The following HS6ST3 variants were observed in gnomAD, a reference collection of about 807,000 sequenced individuals.
The protein encoded by HS6ST3 is heparan sulfate 6-O-sulfotransferase 3.
HS6ST3 carries 12 observed loss-of-function variants against 36.7 expected under a neutral mutation model. The observed-to-expected ratio is 0.33, with a 90% CI of 0.21 to 0.53. HS6ST3 has a LOEUF of 0.53. HS6ST3 is among the 20% of genes least tolerant of loss of function. The probability of loss-of-function intolerance (pLI) is 0.95; values close to 1 mark genes in which losing one functional copy is unlikely to be tolerated. For missense variants in HS6ST3, 584 were observed against 640.9 expected (o/e 0.91, Z 0.96); for synonymous variants, 240 against 257.5 (o/e 0.93, Z 0.65).
intron 1 of HS6ST3, among the ~76,000 whole-genome samples, chr13:96,648,308 G>T (rs1230501766): frequency 1.3e-5 from 2 of 151,900 alleles, no homozygotes; most frequent in Non-Finnish European, 2.9e-5. Flanking sequence ...ACCAAACTCA[G>T]ATTTTCTCTT....
chr13:96,694,929 G>A (rs915339064), intron 1 of HS6ST3, among the ~76,000 whole-genome samples: 17 of 151,930 alleles, frequency 1.1e-4, no homozygotes, highest in Non-Finnish European at 1.9e-4. Flanking sequence ...TTTTTACAGC[G>A]ACATAGACAA....
chr13:96,756,860 C>T lies in HS6ST3; in HGVS notation c.708-75630C>T, dbSNP rs528832945. Among the ~76,000 whole-genome samples the T allele has an allele frequency of 2.0e-5, 3 of 152,314 alleles. No individual in the cohort carries two copies. The South Asian group carries it at 6.2e-4, about 32-fold the overall frequency. ...ATCTACTGAGACATTGCTAAGTGTACATTGTATTCGTTTTCTATGCTGCAT... is the reference window on the plus strand; with the variant it reads ...ATCTACTGAGACATTGCTAAGTGTATATTGTATTCGTTTTCTATGCTGCAT... On this transcript the variant is annotated intron_variant, in intron 1 of 1. Transcript: ENST00000376705.
At chr13:96,115,317 A>G (rs1489134967) in intron 1 of HS6ST3, among the ~76,000 whole-genome samples, 3 of 152,196 alleles carry the variant, frequency 2.0e-5, no homozygotes, top group African/African-American at 7.2e-5. Context: ...CACGTACAGA[A>G]TGTACAGGTT....
chr13:96,762,685 C>T (rs201935092), intron 1 of HS6ST3, among the ~76,000 whole-genome samples: 19 of 152,204 alleles, frequency 1.2e-4, no homozygotes, highest in East Asian at 7.7e-4. Flanking sequence ...AATTAACAAA[C>T]GGTTGTTCAT....
chr13:96,387,218 A>G (rs2055372880), intron 1 of HS6ST3, among the ~76,000 whole-genome samples: 2 of 152,210 alleles, frequency 1.3e-5, no homozygotes, highest in South Asian at 2.1e-4. Context: ...TCATCCTTTT[A>G]TATCATCCTT....
intron 1 of HS6ST3, among the ~76,000 whole-genome samples, chr13:96,571,536 T>C (rs1451248003): frequency 6.6e-6 from 1 of 152,226 alleles, no homozygotes; most frequent in Non-Finnish European, 1.5e-5. Flanking sequence ...GCATAAAGAC[T>C]TTTCCTTATC....
chr13:96,206,307 CAG>C (rs1230234463), intron 1 of HS6ST3, among the ~76,000 whole-genome samples: 1 of 151,802 alleles, frequency 6.6e-6, no homozygotes, highest in Non-Finnish European at 1.5e-5. Context: ...TCAAAGAAAT[CAG>C]AGAGGGCACA....
intron 1 of HS6ST3, among the ~76,000 whole-genome samples, chr13:96,520,175 T>C (rs1367811846): frequency 6.6e-6 from 1 of 152,180 alleles, no homozygotes; most frequent in African/African-American, 2.4e-5. Flanking sequence ...AGACGTGTGA[T>C]GTTATTTCTG....
At chr13:96,394,871 A>G (rs901898801) in intron 1 of HS6ST3, among the ~76,000 whole-genome samples, 3 of 152,224 alleles carry the variant, frequency 2.0e-5, no homozygotes, top group African/African-American at 7.2e-5. Context: ...AGTAGCAAAT[A>G]CTTAGAATCA....
intron 1 of HS6ST3, among the ~76,000 whole-genome samples, chr13:96,409,539 C>T (rs554714599): frequency 3.9e-5 from 6 of 152,216 alleles, no homozygotes; most frequent in South Asian, 2.1e-4. Flanking sequence ...AGTTTTCCCA[C>T]GGCTGAGTGT....
intron 1 of HS6ST3, among the ~76,000 whole-genome samples, chr13:96,578,722 G>T (rs8001276): frequency 0.085 from 12,896 of 152,050 alleles, 1,001 homozygotes; most frequent in African/African-American, 0.21. Context: ...ACCATGCCTG[G>T]CTAATTTTTT....
intron 1 of HS6ST3, among the ~76,000 whole-genome samples, chr13:96,559,347 G>A (rs1194530048): frequency 1.3e-5 from 2 of 152,036 alleles, no homozygotes; most frequent in African/African-American, 4.8e-5. Flanking sequence ...TTGAACTCCT[G>A]GCCTCAAGTG....
At chr13:96,333,990 G>A (rs771279336) in intron 1 of HS6ST3, among the ~76,000 whole-genome samples, 1 of 152,124 alleles carries the variant, frequency 6.6e-6, no homozygotes, top group African/African-American at 2.4e-5. Flanking sequence ...GGGACATAGG[G>A]TACCTGTCTG....
intron 1 of HS6ST3, among the ~76,000 whole-genome samples, chr13:96,533,970 C>T (rs1157050760): frequency 6.6e-6 from 1 of 152,222 alleles, no homozygotes; most frequent in African/African-American, 2.4e-5. Flanking sequence ...CCTTTCTCAT[C>T]ATTCATTCCG....
chr13:96,645,731 T>C (rs1031061412), intron 1 of HS6ST3, among the ~76,000 whole-genome samples: 1 of 151,856 alleles, frequency 6.6e-6, no homozygotes, highest in African/African-American at 2.4e-5. Context: ...TGATGGCTCA[T>C]CTTAAATGGT....
chr13:96,129,591 A>T (rs1188841622), intron 1 of HS6ST3, among the ~76,000 whole-genome samples: 1 of 152,244 alleles, frequency 6.6e-6, no homozygotes, highest in Non-Finnish European at 1.5e-5. Flanking sequence ...CTTATCTTAA[A>T]AAATTAATCT....
At position 96,090,730 on chromosome 13, in the gene HS6ST3, C is replaced by T; in HGVS notation, c.-133C>T. The T allele has an allele frequency of 1.8e-6, 1 of 550,464 alleles. No individual in the cohort carries two copies. The highest frequency in any genetic ancestry group is 2.6e-6 in the Non-Finnish European group (1 of 388,532). 34.1% of individuals were successfully genotyped at this position (550,464 alleles called of 1,614,324 possible). A position where few individuals can be genotyped will look rare whatever the true frequency, so the allele number is the denominator to read the frequency against. On this transcript the variant is annotated 5_prime_UTR_variant, in exon 1 of 2. Coordinates refer to ENST00000376705, the MANE Select transcript of HS6ST3 (RefSeq NM_153456.4). ...GCGGGGCCGCCAGCCAGCCACACGCCTCGGCGTCAGGGGCATGGAGGAACG... is the reference window on the plus strand; with the variant it reads ...GCGGGGCCGCCAGCCAGCCACACGCTTCGGCGTCAGGGGCATGGAGGAACG...
intron 1 of HS6ST3, among the ~76,000 whole-genome samples, chr13:96,276,682 TCTCTC>T (rs2054750089): frequency 6.6e-6 from 1 of 152,216 alleles, no homozygotes; most frequent in African/African-American, 2.4e-5. Context: ...TATTAGCTAA[TCTCTC>T]CTAGAGAATT....
At chr13:96,276,728 A>G (rs180903924) in intron 1 of HS6ST3, among the ~76,000 whole-genome samples, 160 of 152,270 alleles carry the variant, frequency 1.1e-3, no homozygotes, top group South Asian at 1.7e-3. Flanking sequence ...AATGTTTGGC[A>G]TAGGTTATGT....
Sources: allele counts gnomAD v4.1 joint callset (sites outside exome capture counted in the v4.1 genomes callset), GRCh38; gene constraint gnomAD v4.1.1; transcripts MANE v1.5; gene names NCBI Gene and HGNC (gene_info 2026-07-23, HGNC 2026-07-21).